The following PRLR variants were observed in gnomAD, a reference collection of about 807,000 sequenced individuals.
PRLR encodes prolactin receptor.
Under a neutral mutation model 40.2 loss-of-function variants are expected in PRLR, and 13 were observed. The ratio of observed to expected loss-of-function variants is 0.32; its 90% CI spans 0.21 to 0.51. PRLR has a LOEUF of 0.51. PRLR is among the 20% of genes least tolerant of loss of function. The pLI, the probability that PRLR is intolerant of heterozygous loss-of-function variation, is 0.97. For synonymous variants in PRLR, 269 were observed against 278.7 expected, an observed-to-expected ratio of 0.97 and a Z score of 0.35; for missense variants, 656 against 747.3, an observed-to-expected ratio of 0.88 and a Z score of 1.42.
intron 2 of PRLR, among the ~76,000 whole-genome samples, chr5:35,094,106 A>G (rs1338164221): frequency 2.0e-5 from 3 of 152,220 alleles, no homozygotes; most frequent in East Asian, 1.9e-4. Context: ...GAATATATCT[A>G]TGTTACCACT....
At chr5:35,223,660 T>C (rs1776477173) in intron 1 of PRLR, among the ~76,000 whole-genome samples, 1 of 152,270 alleles carries the variant, frequency 6.6e-6, no homozygotes, top group African/African-American at 2.4e-5. Context: ...TTAGAGGTTA[T>C]GGGCATGCTG....
At chr5:35,204,092 T>C (rs964050215) in intron 1 of PRLR, among the ~76,000 whole-genome samples, 2 of 152,120 alleles carry the variant, frequency 1.3e-5, no homozygotes, top group Non-Finnish European at 2.9e-5. Flanking sequence ...GACAATGTTT[T>C]CATGGTACTT....
chr5:35,205,908 G>A, intron 1 of PRLR, among the ~76,000 whole-genome samples: 1 of 152,166 alleles, frequency 6.6e-6, no homozygotes, highest in East Asian at 1.9e-4. Context: ...CATATGCTCA[G>A]TGTTCAAAAA....
intron 1 of PRLR, among the ~76,000 whole-genome samples, chr5:35,189,372 G>A (rs1390555471): frequency 6.6e-6 from 1 of 152,176 alleles, no homozygotes; most frequent in Non-Finnish European, 1.5e-5. Flanking sequence ...CTTGAGGTCA[G>A]GAGTTTGAGA....
intron 1 of PRLR, among the ~76,000 whole-genome samples, chr5:35,228,535 T>C (rs963113900): frequency 1.3e-5 from 2 of 152,304 alleles, no homozygotes; most frequent in Admixed American, 1.3e-4. Context: ...AACAAAGCCT[T>C]GGCCTCCCTG....
At chr5:35,227,819 A>G (rs1776589144) in intron 1 of PRLR, among the ~76,000 whole-genome samples, 1 of 152,206 alleles carries the variant, frequency 6.6e-6, no homozygotes, top group Non-Finnish European at 1.5e-5. Context: ...CCCAGCCACA[A>G]CACTTCTTTC....
chr5:35,060,217 C>G lies in PRLR; in HGVS notation c.*4872G>C, dbSNP rs249522. On this transcript the variant is annotated 3_prime_UTR_variant, in exon 10 of 10. Transcript: ENST00000618457. ...ACTCAGTCTTTTGCAGTGCCAAAGTCATTGTTGATGAATAATTTCATTTCT... is the reference window on the plus strand; with the variant it reads ...ACTCAGTCTTTTGCAGTGCCAAAGTGATTGTTGATGAATAATTTCATTTCT... The G allele has an allele frequency of 6.6e-6, 1 of 151,962 alleles. No homozygotes were observed. Among genetic ancestry groups the G allele is most frequent in the South Asian group, 2.1e-4 (1 of 4,824 alleles). 9.4% of individuals were successfully genotyped at this position (151,962 alleles called of 1,614,324 possible).
At chr5:35,131,547 G>C (rs1773677613) in intron 1 of PRLR, among the ~76,000 whole-genome samples, 1 of 152,162 alleles carries the variant, frequency 6.6e-6, no homozygotes, top group South Asian at 2.1e-4. Context: ...AGCAACCTCA[G>C]CCTGGCAACC....
At chr5:35,184,752 T>C (rs1022829583) in intron 1 of PRLR, among the ~76,000 whole-genome samples, 1 of 152,298 alleles carries the variant, frequency 6.6e-6, no homozygotes, top group Admixed American at 6.5e-5. Context: ...GTAGGTAAGA[T>C]GAGGTGGTAG....
intron 1 of PRLR, among the ~76,000 whole-genome samples, chr5:35,189,424 T>A (rs539355253): frequency 7.2e-5 from 11 of 152,058 alleles, no homozygotes; most frequent in Admixed American, 5.2e-4. Flanking sequence ...TTACTAAAAA[T>A]ACAAAAATTA....
In PRLR at chr5:35,128,708, T is replaced by A. The variant is rs545304645; in HGVS notation, c.-105-10586A>T. Among the ~76,000 whole-genome samples the A allele has an allele frequency of 2.0e-5, 3 of 152,324 alleles. No homozygotes were observed. The East Asian group carries it at 5.8e-4, about 29-fold the overall frequency. On this transcript the variant is annotated intron_variant, in intron 1 of 9. Transcript: ENST00000618457. ...TTGCAAAAATGATAATATTCTTTCATGTTCAGCAGCTCTTTTTGAATAAAT... is the reference window on the plus strand; with the variant it reads ...TTGCAAAAATGATAATATTCTTTCAAGTTCAGCAGCTCTTTTTGAATAAAT...
chr5:35,157,428 T>C (rs1414653727), intron 1 of PRLR, among the ~76,000 whole-genome samples: 1 of 152,188 alleles, frequency 6.6e-6, no homozygotes, highest in African/African-American at 2.4e-5. Flanking sequence ...CATTTCCTGG[T>C]TGATGAGACA....
In PRLR at chr5:35,057,990, CTA is replaced by C. The variant is rs1374003570; in HGVS notation, c.*7097_*7098del. ...TTATAGTTAGGAAAAAATCTGCACT[CTA>C]TGGTTTTGTTGGTTTTTCATATGAT... On this transcript the variant is annotated 3_prime_UTR_variant, in exon 10 of 10. Transcript: ENST00000618457. 6.6e-6 allele frequency: 1 copy of C among 152,004 alleles called. No individual in the cohort carries two copies. The highest frequency in any genetic ancestry group is 2.4e-5 in the African/African-American group (1 of 41,392). 9.4% of individuals were successfully genotyped at this position (152,004 alleles called of 1,614,324 possible). A position where few individuals can be genotyped will look rare whatever the true frequency, so the allele number is the denominator to read the frequency against.
At chr5:35,220,856 A>G (rs1435648145) in intron 1 of PRLR, among the ~76,000 whole-genome samples, 1 of 152,152 alleles carries the variant, frequency 6.6e-6, no homozygotes, top group Non-Finnish European at 1.5e-5. Flanking sequence ...TCTTCCATCA[A>G]ATCTAATACA....
intron 1 of PRLR, among the ~76,000 whole-genome samples, chr5:35,146,323 T>C (rs1391468405): frequency 6.6e-6 from 1 of 152,200 alleles, no homozygotes; most frequent in Non-Finnish European, 1.5e-5. Context: ...TCAATTGCAA[T>C]GCAGATTTGT....
At chr5:35,143,563 A>T (rs1774084297) in intron 1 of PRLR, among the ~76,000 whole-genome samples, 1 of 152,290 alleles carries the variant, frequency 6.6e-6, no homozygotes, top group African/African-American at 2.4e-5. Context: ...GTTATCTGGT[A>T]TATTTGTTCA....
Position 35,205,559 on chromosome 5 carries a change from C to A in PRLR, c.-106+24709G>T, listed in dbSNP as rs557525491. On this transcript the variant is annotated intron_variant, in intron 1 of 9. Coordinates refer to ENST00000618457, the MANE Select transcript of PRLR (RefSeq NM_000949.7). Reference sequence around the variant, plus strand: ...TATATCTGTATGAAAATTCTCAACTCTCAGAAAACAATGAAATTGGATGTT... The same window carrying A: ...TATATCTGTATGAAAATTCTCAACTATCAGAAAACAATGAAATTGGATGTT... Among the ~76,000 whole-genome samples, 6 of 152,064 alleles carry A rather than the reference C, an allele frequency of 3.9e-5. No individual in the cohort carries two copies. In the East Asian group the frequency reaches 9.6e-4, roughly 24 times the overall value.
intron 1 of PRLR, among the ~76,000 whole-genome samples, chr5:35,219,355 A>G (rs911782069): frequency 6.6e-6 from 1 of 152,194 alleles, no homozygotes; most frequent in Non-Finnish European, 1.5e-5. Context: ...ATATGACTTA[A>G]CCTCTTTTTT....
chr5:35,145,599 C>T (rs1457206769), intron 1 of PRLR, among the ~76,000 whole-genome samples: 1 of 152,156 alleles, frequency 6.6e-6, no homozygotes, highest in African/African-American at 2.4e-5. Context: ...ATGTACACAC[C>T]ACCATTGTTG....
Sources: gnomAD v4.1 joint callset for allele counts (sites outside exome capture counted in the v4.1 genomes callset) on GRCh38, gnomAD v4.1.1 for gene constraint, MANE v1.5 for transcripts, NCBI Gene and HGNC (gene_info 2026-07-23, HGNC 2026-07-21) for gene names.